PIEZO2: variants seen among roughly 807,000 people sequenced by gnomAD.
PIEZO2 encodes the protein piezo type mechanosensitive ion channel component 2, also known as piezo-type mechanosensitive ion channel component 2.
Under a neutral mutation model 337.3 loss-of-function variants are expected in PIEZO2, and 172 were observed. The observed-to-expected ratio is 0.51, with a 90% CI of 0.45 to 0.58. PIEZO2 has a LOEUF of 0.58. PIEZO2 is among the 20% of genes least tolerant of loss of function. PIEZO2 has a pLI of 0.00. For synonymous variants in PIEZO2, 1,251 were observed against 1,228.5 expected (o/e 1.02, Z -0.38); for missense variants, 3,028 against 3,391.3 (o/e 0.89, Z 2.66).
chr18:11,088,356 G>A (rs571567922), intron 1 of PIEZO2, among the ~76,000 whole-genome samples: 3 of 152,218 alleles, frequency 2.0e-5, no homozygotes, highest in South Asian at 4.2e-4. Flanking sequence ...TTTCTTAAAT[G>A]AGAAATTCAG....
At chr18:10,692,496 C>T (rs983127681) in intron 47 of PIEZO2, among the ~76,000 whole-genome samples, 16 of 136,198 alleles carry the variant, frequency 1.2e-4, no homozygotes, top group Non-Finnish European at 1.9e-4. Flanking sequence ...CTTTCTTTCT[C>T]TCTCTCTCAC....
At chr18:10,717,470 C>G (rs896686601) in intron 37 of PIEZO2, among the ~76,000 whole-genome samples, 2 of 152,218 alleles carry the variant, frequency 1.3e-5, no homozygotes, top group Non-Finnish European at 2.9e-5. Context: ...TAGATAACCA[C>G]AAAGGCGCTC....
Position 11,105,544 on chromosome 18 carries a change from A to G in PIEZO2, c.65-39322T>C, listed in dbSNP as rs139390892. Among the ~76,000 whole-genome samples, 1 of 152,190 alleles carries G rather than the reference A, an allele frequency of 6.6e-6. No homozygotes were observed. Among genetic ancestry groups the G allele is most frequent in the African/African-American group, 2.4e-5 (1 of 41,548 alleles). On this transcript the variant is annotated intron_variant, in intron 1 of 55. Coordinates refer to ENST00000674853, the MANE Select transcript of PIEZO2 (RefSeq NM_001378183.1). The surrounding 1 kb of genome is among the most constrained non-coding windows in gnomAD (Gnocchi z 4.3). ...GCTTGTTATGAGCTCAGAAAGCTTT[A>G]GGTGTGGGGTTTTGACGAAATGAAC...
chr18:10,904,631 C>T (rs2043131115), intron 4 of PIEZO2, among the ~76,000 whole-genome samples: 1 of 152,196 alleles, frequency 6.6e-6, no homozygotes, highest in South Asian at 2.1e-4. Flanking sequence ...ATGGCCAAGG[C>T]ATTTCTTCTT....
At position 11,070,355 on chromosome 18, in the gene PIEZO2, G is replaced by A. The variant is rs943282197; in HGVS notation, c.65-4133C>T. 1.7e-4 allele frequency among the ~76,000 whole-genome samples: 26 copies of A among 152,138 alleles called. No individual in the cohort carries two copies. The highest frequency in any genetic ancestry group is 6.3e-4 in the African/African-American group (26 of 41,434). On this transcript the variant is annotated intron_variant, in intron 1 of 55. Transcript: ENST00000674853. This position sits in a 1 kb window ranked among gnomAD's most constrained non-coding sequence, Gnocchi z 4.3. ...ATTCCTGCTCGGTGACTATCAAGGG[G>A]CATGGAGATCAAGCCCTGAACAGAG... is the stretch of plus-strand genomic sequence containing the variant.
intron 31 of PIEZO2, among the ~76,000 whole-genome samples, 184 bp from the exon 32 acceptor site, chr18:10,742,799 T>TGTGC (rs1555635893): frequency 3.4e-5 from 2 of 58,890 alleles, no homozygotes; most frequent in Non-Finnish European, 6.3e-5. Flanking sequence ...TATACATATT[T>TGTGC]GTGTGTGTGT....
At chr18:10,731,177 T>TAGA (rs1555633703) in intron 36 of PIEZO2, among the ~76,000 whole-genome samples, 390 of 35,180 alleles carry the variant, frequency 0.011, 10 homozygotes, top group African/African-American at 0.047. Flanking sequence ...ACTTAAAAGA[T>TAGA]TATATATATA....
intron 18 of PIEZO2, among the ~76,000 whole-genome samples, chr18:10,777,085 GC>G (rs1281501764): frequency 1.3e-5 from 2 of 152,182 alleles, no homozygotes; most frequent in Non-Finnish European, 2.9e-5. Context: ...TCCCGGAGAA[GC>G]CCCCTCCTCC....
chr18:10,930,052 C>T (rs754095303), intron 3 of PIEZO2, among the ~76,000 whole-genome samples: 3 of 152,176 alleles, frequency 2.0e-5, no homozygotes, highest in Non-Finnish European at 2.9e-5. Context: ...TACCAAATTC[C>T]AGCCTGACTG....
chr18:10,683,116 C>T (rs1434821279), intron 49 of PIEZO2, among the ~76,000 whole-genome samples: 2 of 152,258 alleles, frequency 1.3e-5, no homozygotes, highest in Admixed American at 6.5e-5. Flanking sequence ...GGCCAAGCTA[C>T]ATGCAGAACA....
At position 10,750,127 on chromosome 18, in the gene PIEZO2, A is replaced by G. The variant is rs770373067; in HGVS notation, c.4228T>C (p.Phe1410Leu). ...VHNSCWLIQA[F>L]SLACTVKGYQ... ...CCTTTGACTGTGCAGGCCAGGCTGA[A>G]AGCCTGGATCAACCAACAACTATTG... Residue 1410 changes from phenylalanine (F) to leucine (L), a missense_variant, in exon 29 of 56, where the codon TTC becomes CTC. This residue lies in a region of PIEZO2 where 1,925 missense variants were observed against 2,051.9 expected (regional missense o/e 0.94). Coordinates refer to ENST00000674853, the MANE Select transcript of PIEZO2 (RefSeq NM_001378183.1). The surrounding 1 kb of genome is among the most constrained non-coding windows in gnomAD (Gnocchi z 4.1). 6.5e-6 allele frequency: 10 copies of G among 1,537,012 alleles called. No homozygotes were observed.
intron 2 of PIEZO2, among the ~76,000 whole-genome samples, chr18:11,042,230 A>C (rs911754382): frequency 1.3e-5 from 2 of 152,160 alleles, no homozygotes; most frequent in Admixed American, 6.5e-5. Context: ...CAGAGGACAG[A>C]CCCTGGATCT....
chr18:10,702,134 A>G lies in PIEZO2; in HGVS notation c.6296T>C (p.Phe2099Ser). 6.5e-7 allele frequency: 1 copy of G among 1,536,772 alleles called. No homozygotes were observed. The highest frequency in any genetic ancestry group is 1.2e-5 in the South Asian group (1 of 83,940). ...IVVKYFFQFG[F>S]FPWNKNVEVN... ...CTCCACATTCTTATTCCAGGGAAAG[A>G]ACCCAAATTGGAAGAAATACTTGAC... The change falls in exon 43 of 56, where the codon TTC becomes TCC. Residue 2099 changes from phenylalanine to serine, a missense_variant. Around this residue, in one of 5 missense-constraint regions of PIEZO2, gnomAD observed 1,925 missense variants for 2,051.9 expected, o/e 0.94. Transcript: ENST00000674853.
At position 10,801,536 on chromosome 18, in the gene PIEZO2, C is replaced by T. The variant is rs2039815087; in HGVS notation, c.1201-108G>A. 3 of 964,888 alleles carry T rather than the reference C, an allele frequency of 3.1e-6. No individual in the cohort carries two copies. In the South Asian group the frequency reaches 4.5e-5, roughly 15 times the overall value. The allele number at this position is 964,888 out of a possible 1,614,324, so 59.8% of individuals were successfully genotyped here. A position where few individuals can be genotyped will look rare whatever the true frequency, so the allele number is the denominator to read the frequency against. ...GCACAAGCCCATTCTCTTTAACTTG[C>T]TGATTGCTAGTATATTAATATTGCC... On this transcript the variant is annotated intron_variant, in intron 9 of 55. Coordinates refer to ENST00000674853, the MANE Select transcript of PIEZO2 (RefSeq NM_001378183.1).
intron 9 of PIEZO2, among the ~76,000 whole-genome samples, chr18:10,802,845 G>A (rs2039871534): frequency 6.6e-6 from 1 of 152,034 alleles, no homozygotes; most frequent in Non-Finnish European, 1.5e-5. Context: ...GGTGGCACAT[G>A]CCTGTAGTCC....
intron 33 of PIEZO2, chr18:10,737,723 C>T (rs547169110): frequency 6.6e-6 from 1 of 152,262 alleles, no homozygotes; most frequent in Non-Finnish European, 1.5e-5. Context: ...TTAAAGTCTA[C>T]CAGAGAAAAG....
At chr18:10,891,733 A>G (rs1279875824) in intron 4 of PIEZO2, among the ~76,000 whole-genome samples, 1 of 152,244 alleles carries the variant, frequency 6.6e-6, no homozygotes, top group Non-Finnish European at 1.5e-5. Flanking sequence ...ATAACAAGCT[A>G]AAAGTAATTA....
At position 11,101,867 on chromosome 18, in the gene PIEZO2, C is replaced by G. The variant is rs1416199603; in HGVS notation, c.65-35645G>C. Among the ~76,000 whole-genome samples the G allele has an allele frequency of 6.6e-6, 1 of 152,158 alleles. No individual in the cohort carries two copies. Among genetic ancestry groups the G allele is most frequent in the Non-Finnish European group, 1.5e-5 (1 of 68,038 alleles). ...CAAGCTCTTGTACTCTTGTACTATACTACTTATAAGCTATCAAATTTGAAA... is the reference window on the plus strand; with the variant it reads ...CAAGCTCTTGTACTCTTGTACTATAGTACTTATAAGCTATCAAATTTGAAA... On this transcript the variant is annotated intron_variant, in intron 1 of 55. Coordinates refer to ENST00000674853, the MANE Select transcript of PIEZO2 (RefSeq NM_001378183.1). The surrounding 1 kb of genome is among the most constrained non-coding windows in gnomAD (Gnocchi z 4.4).
intron 2 of PIEZO2, among the ~76,000 whole-genome samples, chr18:11,036,016 A>G (rs2036915121): frequency 6.6e-6 from 1 of 152,172 alleles, no homozygotes; most frequent in African/African-American, 2.4e-5. Context: ...GGATCTGTCA[A>G]TACAAGCAAG....
Sources: gnomAD v4.1 joint callset for allele counts (sites outside exome capture counted in the v4.1 genomes callset) on GRCh38, gnomAD v4.1.1 for gene constraint, gnomAD v4.1.1 regional missense constraint, Gnocchi (gnomAD v3.1) non-coding constraint, MANE v1.5 for transcripts, NCBI Gene and HGNC (gene_info 2026-07-23, HGNC 2026-07-21) for gene names.